The following EPS15 variants were observed in gnomAD, a reference collection of about 807,000 sequenced individuals.
The protein encoded by EPS15 is epidermal growth factor receptor substrate 15.
Under a neutral mutation model 113.8 loss-of-function variants are expected in EPS15, and 72 were observed. The ratio of observed to expected loss-of-function variants is 0.63; its 90% CI spans 0.52 to 0.77. The LOEUF (loss-of-function observed/expected upper bound fraction) is 0.77, where lower values mean the gene tolerates loss of function less well. EPS15 is among the 30% of genes least tolerant of loss of function. EPS15 has a pLI of 0.00. For synonymous variants in EPS15, 344 were observed against 363.4 expected (o/e 0.95, Z 0.61); for missense variants, 1,048 against 1,045.8 (o/e 1.00, Z -0.03).
chr1:51,379,743 C>A (rs1449783825), intron 21 of EPS15, among the ~76,000 whole-genome samples: 4 of 149,244 alleles, frequency 2.7e-5, no homozygotes, highest in Non-Finnish European at 6.0e-5. Flanking sequence ...ATGGTGAAAC[C>A]CCATCTCTAC....
intron 21 of EPS15, among the ~76,000 whole-genome samples, chr1:51,367,841 T>C (rs1384691524): frequency 6.6e-6 from 1 of 152,116 alleles, no homozygotes; most frequent in Non-Finnish European, 1.5e-5. Context: ...CACAGAAAAG[T>C]TCTCCTCAGG....
intron 16 of EPS15, among the ~76,000 whole-genome samples, chr1:51,403,822 T>G (rs1333836831): frequency 6.6e-6 from 1 of 152,176 alleles, no homozygotes; most frequent in Non-Finnish European, 1.5e-5. Flanking sequence ...CCATCCTCAC[T>G]GTCACTATCA....
chr1:51,518,380 T>C (rs181646452), intron 1 of EPS15: 102 of 152,482 alleles, frequency 6.7e-4, no homozygotes, highest in African/African-American at 2.3e-3. Context: ...CGGGAGGCCG[T>C]TCCTGGCACC....
chr1:51,504,710 T>A (rs1432462195), intron 1 of EPS15, among the ~76,000 whole-genome samples: 1 of 152,168 alleles, frequency 6.6e-6, no homozygotes, highest in Non-Finnish European at 1.5e-5. Flanking sequence ...CACAATGAGA[T>A]ACTAAAAAAA....
At chr1:51,424,884 C>G (rs1651069734) in intron 12 of EPS15, among the ~76,000 whole-genome samples, 1 of 151,860 alleles carries the variant, frequency 6.6e-6, no homozygotes, top group African/African-American at 2.4e-5. Flanking sequence ...GCCTGGGCAA[C>G]AGAGTCAGAC....
At chr1:51,445,933 A>G (rs952842929) in intron 10 of EPS15, among the ~76,000 whole-genome samples, 7 of 152,220 alleles carry the variant, frequency 4.6e-5, no homozygotes, top group African/African-American at 1.7e-4. Flanking sequence ...GCCCGTGACA[A>G]CTGCCATTTA....
chr1:51,445,009 T>C lies in EPS15; in HGVS notation c.834A>G (p.Ser278=). 1 of 1,613,966 alleles carries C rather than the reference T, an allele frequency of 6.2e-7. No homozygotes were observed. The change falls in exon 11 of 25, where the codon TCA becomes TCG. Residue 278 remains serine (S), a synonymous_variant. Coordinates refer to ENST00000371733, the MANE Select transcript of EPS15 (RefSeq NM_001981.3). ...LCDTKDCGKL[S]KDQFALAFHL... ...GAAAAGCCAAGGCAAACTGATCCTT[T>C]GAAAGCTTCCCACAGTCCTTTGTGT...
intron 13 of EPS15, among the ~76,000 whole-genome samples, chr1:51,410,088 G>GC (rs1175080873): frequency 6.6e-6 from 1 of 151,894 alleles, no homozygotes; most frequent in Non-Finnish European, 1.5e-5. Flanking sequence ...ATTTAGCTGG[G>GC]CGTGGTGGCG....
chr1:51,488,496 A>ACAAAAAAAAAAC, intron 1 of EPS15, among the ~76,000 whole-genome samples: 1 of 150,396 alleles, frequency 6.6e-6, no homozygotes, highest in African/African-American at 2.4e-5. Context: ...AAAAAAAAAA[A>ACAAAAAAAAAAC]CTCAGACTTT....
intron 21 of EPS15, among the ~76,000 whole-genome samples, chr1:51,375,486 A>ATAAGGGT (rs1470788133): frequency 1.3e-5 from 2 of 152,214 alleles, no homozygotes; most frequent in Non-Finnish European, 2.9e-5. Context: ...GAAGAAAATA[A>ATAAGGGT]TAAGGGTAGA....
At chr1:51,507,082 C>T (rs987290667) in intron 1 of EPS15, among the ~76,000 whole-genome samples, 4 of 152,078 alleles carry the variant, frequency 2.6e-5, no homozygotes, top group African/African-American at 9.7e-5. Context: ...GTCTGCTTTA[C>T]CATTCAAGAT....
intron 5 of EPS15, among the ~76,000 whole-genome samples, chr1:51,466,461 C>T (rs2148505751): frequency 6.6e-6 from 1 of 150,684 alleles, no homozygotes; most frequent in East Asian, 2.0e-4. Context: ...ATCTCTACCA[C>T]CAAAAAAAAA....
chr1:51,470,887 G>A (rs755407745), intron 4 of EPS15, among the ~76,000 whole-genome samples: 1 of 152,118 alleles, frequency 6.6e-6, no homozygotes. Flanking sequence ...AATATTTGCT[G>A]ACTGACTACA....
In EPS15 at chr1:51,489,859, T is replaced by C. The variant is rs140545170; in HGVS notation, c.34-8545A>G. Among the ~76,000 whole-genome samples, 28 of 152,280 alleles carry C rather than the reference T, an allele frequency of 1.8e-4. No individual in the cohort carries two copies. The East Asian group carries it at 2.1e-3, about 12-fold the overall frequency. ...TACCAAGAGAACAATATGTCACAAA[T>C]AGGGACTGCTCCTCCAGCCCGGATC... On this transcript the variant is annotated intron_variant, in intron 1 of 24. Coordinates refer to ENST00000371733, the MANE Select transcript of EPS15 (RefSeq NM_001981.3).
chr1:51,514,875 A>C (rs1644686526), intron 1 of EPS15, among the ~76,000 whole-genome samples: 1 of 152,226 alleles, frequency 6.6e-6, no homozygotes, highest in Non-Finnish European at 1.5e-5. Flanking sequence ...ATAGGCAATA[A>C]AGAAAAACAT....
At chr1:51,495,305 T>C (rs1268188502) in intron 1 of EPS15, among the ~76,000 whole-genome samples, 23 of 152,156 alleles carry the variant, frequency 1.5e-4, no homozygotes, top group Admixed American at 1.4e-3. Context: ...GGTTCTGATA[T>C]GAGAATGGAT....
chr1:51,367,214 A>G (rs1646526640), intron 21 of EPS15, among the ~76,000 whole-genome samples: 1 of 152,164 alleles, frequency 6.6e-6, no homozygotes. Flanking sequence ...AAACACGGGG[A>G]AGAGAAACCA....
intron 16 of EPS15, among the ~76,000 whole-genome samples, chr1:51,404,420 C>T (rs897810576): frequency 1.3e-5 from 2 of 151,716 alleles, no homozygotes; most frequent in Non-Finnish European, 2.9e-5. Flanking sequence ...TACTTTATAC[C>T]ACCCTTATCT....
At chr1:51,381,643 A>G (rs1443281309) in intron 21 of EPS15, among the ~76,000 whole-genome samples, 2 of 152,126 alleles carry the variant, frequency 1.3e-5, no homozygotes, top group Non-Finnish European at 2.9e-5. Context: ...ACAGAATAAA[A>G]CTAAAAATTA....
Sources: allele counts gnomAD v4.1 joint callset (sites outside exome capture counted in the v4.1 genomes callset), GRCh38; gene constraint gnomAD v4.1.1; transcripts MANE v1.5; gene names NCBI Gene and HGNC (gene_info 2026-07-23, HGNC 2026-07-21).